The following KDM4C variants were observed in gnomAD, a reference collection of about 807,000 sequenced individuals.
KDM4C encodes the protein lysine demethylase 4C.
KDM4C carries 81 observed loss-of-function variants against 129.3 expected under a neutral mutation model. The observed-to-expected ratio is 0.63, with a 90% CI of 0.52 to 0.75. The LOEUF is 0.75. Ranked by LOEUF, KDM4C falls within the 30% of genes least tolerant of loss-of-function variation. The pLI is 0.00. For synonymous variants in KDM4C, 573 were observed against 456.1 expected, an observed-to-expected ratio of 1.26 and a Z score of -3.26; for missense variants, 1,457 against 1,304.0, an observed-to-expected ratio of 1.12 and a Z score of -1.81.
intron 19 of KDM4C, among the ~76,000 whole-genome samples, chr9:7,159,234 T>C (rs1168371038): frequency 6.6e-6 from 1 of 152,226 alleles, no homozygotes; most frequent in African/African-American, 2.4e-5. Context: ...TCTCTGCACA[T>C]GAGCTGGGTC....
At chr9:6,773,762 C>T (rs1317626702) in intron 1 of KDM4C, among the ~76,000 whole-genome samples, 2 of 143,912 alleles carry the variant, frequency 1.4e-5, no homozygotes, top group Non-Finnish European at 3.0e-5. Flanking sequence ...CAGAGTGAGA[C>T]TCTGTCTCAA....
At chr9:7,017,215 G>C (rs1398556833) in intron 15 of KDM4C, among the ~76,000 whole-genome samples, 1 of 152,170 alleles carries the variant, frequency 6.6e-6, no homozygotes, top group African/African-American at 2.4e-5. Context: ...GGGGTTATAG[G>C]TATCAGCCCC....
intron 3 of KDM4C, among the ~76,000 whole-genome samples, chr9:6,813,818 G>A (rs1588455188): frequency 2.0e-5 from 3 of 152,010 alleles, no homozygotes. Context: ...CTGTAAATAG[G>A]ATATAGTATA....
intron 15 of KDM4C, among the ~76,000 whole-genome samples, chr9:7,039,235 G>T (rs1461001201): frequency 3.3e-5 from 5 of 151,956 alleles, no homozygotes; most frequent in Non-Finnish European, 7.4e-5. Context: ...ACTCCATTCA[G>T]TTGGATCTGG....
chr9:6,774,437 T>C (rs999172339), intron 1 of KDM4C, among the ~76,000 whole-genome samples: 1 of 152,010 alleles, frequency 6.6e-6, no homozygotes, highest in Non-Finnish European at 1.5e-5. Flanking sequence ...GGCCGAGGTG[T>C]GCGAATCACT....
chr9:6,986,045 G>T (rs912209), intron 10 of KDM4C, among the ~76,000 whole-genome samples: 84,560 of 151,840 alleles, frequency 0.56, 23,994 homozygotes, highest in South Asian at 0.73. Flanking sequence ...TGAATTGCTG[G>T]ATGGTTTTGC....
At chr9:6,775,958 A>G (rs1025208308) in intron 1 of KDM4C, among the ~76,000 whole-genome samples, 1 of 152,258 alleles carries the variant, frequency 6.6e-6, no homozygotes, top group African/African-American at 2.4e-5. Context: ...AAATGTCTCC[A>G]GGCATTGCCA....
chr9:6,810,114 C>G (rs749031054), intron 3 of KDM4C, among the ~76,000 whole-genome samples: 9 of 152,186 alleles, frequency 5.9e-5, no homozygotes, highest in Non-Finnish European at 1.2e-4. Flanking sequence ...TCTTTCTTCT[C>G]TTGTTATAAA....
intron 1 of KDM4C, among the ~76,000 whole-genome samples, chr9:6,746,047 C>T (rs1588058187): frequency 6.6e-6 from 1 of 151,802 alleles, no homozygotes; most frequent in East Asian, 1.9e-4. Context: ...CTCAGGTGAT[C>T]CGCCTGCCTC....
intron 8 of KDM4C, among the ~76,000 whole-genome samples, chr9:6,937,962 T>G: frequency 6.6e-6 from 1 of 152,176 alleles, no homozygotes. Context: ...TCTGCCCTCC[T>G]TGGCCTCCCA....
At chr9:7,160,995 G>C (rs1013707027) in intron 19 of KDM4C, among the ~76,000 whole-genome samples, 6 of 152,136 alleles carry the variant, frequency 3.9e-5, no homozygotes, top group Non-Finnish European at 8.8e-5. Context: ...CCCAGTTCAA[G>C]CTTCCCAGCC....
intron 17 of KDM4C, among the ~76,000 whole-genome samples, chr9:7,094,825 G>C (rs1236716522): frequency 2.0e-5 from 3 of 152,180 alleles, no homozygotes; most frequent in African/African-American, 7.2e-5. Flanking sequence ...GTGGGCTGCT[G>C]CTAGCATAAT....
intron 5 of KDM4C, among the ~76,000 whole-genome samples, chr9:6,866,860 T>C (rs915612696): frequency 2.7e-5 from 4 of 149,680 alleles, no homozygotes; most frequent in African/African-American, 9.8e-5. Flanking sequence ...ATATTTGAGT[T>C]CTAGGAAATT....
At chr9:7,107,050 G>A (rs542876223) in intron 18 of KDM4C, among the ~76,000 whole-genome samples, 1 of 152,098 alleles carries the variant, frequency 6.6e-6, no homozygotes, top group Non-Finnish European at 1.5e-5. Context: ...GTTTGCCAGC[G>A]TTTTTGTTGA....
chr9:6,812,119 T>C (rs937344427), intron 3 of KDM4C, among the ~76,000 whole-genome samples: 10 of 151,930 alleles, frequency 6.6e-5, no homozygotes, highest in African/African-American at 2.4e-4. Context: ...TGCCTGTAAT[T>C]CCAGCTACTC....
At chr9:6,972,216 C>A (rs1164525645) in intron 8 of KDM4C, among the ~76,000 whole-genome samples, 1 of 151,554 alleles carries the variant, frequency 6.6e-6, no homozygotes, top group Non-Finnish European at 1.5e-5. Context: ...AGGGGGGAGC[C>A]ATTTCCTATT....
rs1166753103 is a variant in KDM4C at position 6,941,383 on chromosome 9, T to G, written c.922-39542T>G. Among the ~76,000 whole-genome samples the G allele has an allele frequency of 2.0e-5, 3 of 152,232 alleles. 1 individual carries two copies. The highest frequency in any genetic ancestry group is 4.4e-5 in the Non-Finnish European group (3 of 68,034). The stretch of plus-strand genomic sequence containing the variant: ...CACTTTTAATGGGGTTGTTCTTTTC[T>G]TGTAAATTTGTTTCTTATAGATGCT... On this transcript the variant is annotated intron_variant, in intron 8 of 21. Coordinates refer to ENST00000381309, the MANE Select transcript of KDM4C (RefSeq NM_015061.6).
At chr9:6,963,585 A>G (rs998134389) in intron 8 of KDM4C, among the ~76,000 whole-genome samples, 1 of 152,254 alleles carries the variant, frequency 6.6e-6, no homozygotes, top group Non-Finnish European at 1.5e-5. Flanking sequence ...CAAGGTAACA[A>G]TACAGAGAAA....
At chr9:7,170,015 A>G (rs1564205286) in intron 21 of KDM4C, 125 bp downstream of exon 21, 1 of 1,551,172 alleles carries the variant, frequency 6.4e-7, no homozygotes, top group East Asian at 2.4e-5. Context: ...AGCCAATGCA[A>G]CATTTTCCTT....
Sources: allele counts gnomAD v4.1 joint callset (sites outside exome capture counted in the v4.1 genomes callset), GRCh38; gene constraint gnomAD v4.1.1; transcripts MANE v1.5; gene names NCBI Gene and HGNC (gene_info 2026-07-23, HGNC 2026-07-21).